The following UNC5D variants were observed in gnomAD, a reference collection of about 807,000 sequenced individuals.
UNC5D encodes netrin receptor UNC5D.
In UNC5D, 39 loss-of-function variants were observed where a neutral mutation model predicts 105.4. The observed-to-expected ratio is 0.37, with a 90% confidence interval of 0.29 to 0.48. The LOEUF (loss-of-function observed/expected upper bound fraction) is 0.48. Among genes scored for constraint, UNC5D ranks in the 20% least tolerant of loss-of-function variants. The probability of loss-of-function intolerance (pLI) is 0.98; values close to 1 mark genes in which losing one functional copy is unlikely to be tolerated. For missense variants in UNC5D, 991 were observed against 1,202.4 expected (o/e 0.82, Z 2.60); for synonymous variants, 452 against 450.4 (o/e 1.00, Z -0.04).
intron 1 of UNC5D, among the ~76,000 whole-genome samples, chr8:35,247,579 A>T (rs1420483868): frequency 7.6e-4 from 82 of 107,860 alleles, no homozygotes; most frequent in South Asian, 3.3e-3. Context: ...ATATGTATAA[A>T]ATATATAAAA....
At chr8:35,470,113 G>T (rs189663681) in intron 1 of UNC5D, among the ~76,000 whole-genome samples, 53 of 152,232 alleles carry the variant, frequency 3.5e-4, no homozygotes, top group African/African-American at 1.2e-3. Context: ...ATTCAGCCAG[G>T]AGCTAAGAAC....
chr8:35,499,958 G>T lies in UNC5D; in HGVS notation c.104-49334G>T, dbSNP rs189384959. ...ATATCTGACACTCTAATTGGATTCT[G>T]TGCAAGTGAAACTATCAAATTGGGA... On this transcript the variant is annotated intron_variant, in intron 1 of 16. Coordinates refer to ENST00000404895, the MANE Select transcript of UNC5D (RefSeq NM_080872.4). Among the ~76,000 whole-genome samples, 3 of 152,186 alleles carry T rather than the reference G, an allele frequency of 2.0e-5. No individual in the cohort carries two copies. In the East Asian group the frequency reaches 5.8e-4, roughly 29 times the overall value.
intron 4 of UNC5D, among the ~76,000 whole-genome samples, chr8:35,668,216 A>G (rs780993082): frequency 2.6e-4 from 39 of 152,140 alleles, no homozygotes; most frequent in South Asian, 1.5e-3. Context: ...CCTCCTTTAT[A>G]TGATCTATTC....
chr8:35,335,678 T>G (rs1008431993), intron 1 of UNC5D, among the ~76,000 whole-genome samples: 2 of 151,914 alleles, frequency 1.3e-5, no homozygotes, highest in Non-Finnish European at 2.9e-5. Flanking sequence ...TAACATGAGA[T>G]GTGAATAATC....
At chr8:35,560,242 T>C (rs1816862069) in intron 2 of UNC5D, among the ~76,000 whole-genome samples, 1 of 152,190 alleles carries the variant, frequency 6.6e-6, no homozygotes, top group African/African-American at 2.4e-5. Flanking sequence ...GAACTTCTGC[T>C]CCCCTGTAGC....
chr8:35,431,174 G>T (rs981201783), intron 1 of UNC5D, among the ~76,000 whole-genome samples: 2 of 152,060 alleles, frequency 1.3e-5, no homozygotes, highest in African/African-American at 4.8e-5. Context: ...TCAAAAATGG[G>T]TAAATACTTG....
At chr8:35,681,969 T>C (rs910218011) in intron 4 of UNC5D, among the ~76,000 whole-genome samples, 1 of 152,046 alleles carries the variant, frequency 6.6e-6, no homozygotes, top group Non-Finnish European at 1.5e-5. Flanking sequence ...ACGACCTTTT[T>C]TTGGGGGGAG....
chr8:35,669,322 G>A (rs1033479937), intron 4 of UNC5D, among the ~76,000 whole-genome samples: 5 of 151,548 alleles, frequency 3.3e-5, no homozygotes, highest in Admixed American at 1.3e-4. Context: ...TCAATCTATT[G>A]ATTTTCAGGG....
intron 4 of UNC5D, among the ~76,000 whole-genome samples, chr8:35,629,306 C>T (rs538722890): frequency 1.3e-5 from 2 of 152,116 alleles, no homozygotes; most frequent in Non-Finnish European, 2.9e-5. Flanking sequence ...TGATGTTGAG[C>T]ATTTTTTCAT....
intron 1 of UNC5D, among the ~76,000 whole-genome samples, chr8:35,325,710 CAA>C (rs1180702638): frequency 6.6e-6 from 1 of 152,230 alleles, no homozygotes; most frequent in Non-Finnish European, 1.5e-5. Flanking sequence ...AATTTGAAAT[CAA>C]AAGACTTCAA....
At chr8:35,557,009 G>T (rs1160981895) in intron 2 of UNC5D, among the ~76,000 whole-genome samples, 4 of 152,180 alleles carry the variant, frequency 2.6e-5, no homozygotes, top group African/African-American at 9.7e-5. Flanking sequence ...GATGATTTCA[G>T]TGACTGCAGG....
In UNC5D at chr8:35,678,576, G is replaced by A. The variant is rs546460656; in HGVS notation, c.571-4971G>A. 2.0e-5 allele frequency among the ~76,000 whole-genome samples: 3 copies of A among 152,160 alleles called. No homozygotes were observed. The East Asian group carries it at 5.8e-4, about 29-fold the overall frequency. On this transcript the variant is annotated intron_variant, in intron 4 of 16. Coordinates refer to ENST00000404895, the MANE Select transcript of UNC5D (RefSeq NM_080872.4). ...CATTCTCTTCCAATGTTTACGTTAAGCATACATATGTTTATTATTGTTTTT... is the reference window on the plus strand; with the variant it reads ...CATTCTCTTCCAATGTTTACGTTAAACATACATATGTTTATTATTGTTTTT...
intron 1 of UNC5D, among the ~76,000 whole-genome samples, chr8:35,356,034 T>C (rs1417558604): frequency 6.6e-6 from 1 of 152,156 alleles, no homozygotes; most frequent in South Asian, 2.1e-4. Context: ...TTCTCCTGCC[T>C]CAGACTCTCA....
intron 4 of UNC5D, among the ~76,000 whole-genome samples, chr8:35,641,089 T>C (rs1217181928): frequency 6.6e-6 from 1 of 152,004 alleles, no homozygotes; most frequent in East Asian, 1.9e-4. Context: ...AGTTGTTTAA[T>C]AGAGACATTC....
At position 35,790,538 on chromosome 8, in the gene UNC5D, A is replaced by T; in HGVS notation, c.2837A>T (p.Asn946Ile). ...SESQLDEADF[N>I]YSRQNGL Reference sequence around the variant, plus strand: ...TCCCAGCTTGATGAAGCCGACTTCAACTACAGCAGGCAAAATGGACTCTAG... The same window carrying T: ...TCCCAGCTTGATGAAGCCGACTTCATCTACAGCAGGCAAAATGGACTCTAG... The change falls in exon 17 of 17, where the codon AAC (asparagine) becomes ATC (isoleucine). Residue 946 changes from asparagine to isoleucine, a missense_variant. Around this residue, in one of 3 missense-constraint regions of UNC5D, gnomAD observed 45 missense variants for 54.5 expected, o/e 0.83. Coordinates refer to ENST00000404895, the MANE Select transcript of UNC5D (RefSeq NM_080872.4). 2 of 1,613,828 alleles carry T rather than the reference A, an allele frequency of 1.2e-6. No homozygotes were observed. The highest frequency in any genetic ancestry group is 8.5e-7 in the Non-Finnish European group (1 of 1,179,830).
intron 1 of UNC5D, among the ~76,000 whole-genome samples, chr8:35,272,387 G>T (rs1342706914): frequency 6.6e-6 from 1 of 152,152 alleles, no homozygotes; most frequent in Non-Finnish European, 1.5e-5. Flanking sequence ...CATCAGCTCT[G>T]AGGGGAAGAG....
At chr8:35,595,843 C>T (rs1819459859) in intron 4 of UNC5D, among the ~76,000 whole-genome samples, 186 bp downstream of exon 4, 1 of 152,162 alleles carries the variant, frequency 6.6e-6, no homozygotes, top group Non-Finnish European at 1.5e-5. Flanking sequence ...AACTTGTCTC[C>T]CATCTACTTC....
chr8:35,591,555 T>C (rs1025050511), intron 3 of UNC5D, among the ~76,000 whole-genome samples: 3 of 152,136 alleles, frequency 2.0e-5, no homozygotes, highest in African/African-American at 7.2e-5. Flanking sequence ...GATTTTTGTT[T>C]CTTTTCTTCA....
chr8:35,747,697 G>A (rs1307537725), intron 11 of UNC5D, among the ~76,000 whole-genome samples: 1 of 152,038 alleles, frequency 6.6e-6, no homozygotes, highest in East Asian at 1.9e-4. Context: ...TTACCGTTTG[G>A]GGGCACAGAT....
Sources: gnomAD v4.1 joint callset for allele counts (sites outside exome capture counted in the v4.1 genomes callset) on GRCh38, gnomAD v4.1.1 for gene constraint, gnomAD v4.1.1 regional missense constraint, MANE v1.5 for transcripts, NCBI Gene and HGNC (gene_info 2026-07-23, HGNC 2026-07-21) for gene names.